The following MCF2L variants were observed in gnomAD, a reference collection of about 807,000 sequenced individuals.
MCF2L encodes MCF.2 cell line derived transforming sequence like, also known as guanine nucleotide exchange factor DBS.
In MCF2L, 97 loss-of-function variants were observed where a neutral mutation model predicts 153.4. The ratio of observed to expected loss-of-function variants is 0.63; its 90% CI spans 0.54 to 0.75. The LOEUF is 0.75. MCF2L is among the 30% of genes least tolerant of loss of function. The probability of loss-of-function intolerance (pLI) is 0.00; values close to 1 mark genes in which losing one functional copy is unlikely to be tolerated. For synonymous variants in MCF2L, 659 were observed against 632.2 expected (o/e 1.04, Z -0.64); for missense variants, 1,347 against 1,495.2 (o/e 0.90, Z 1.64).
intron 4 of MCF2L, among the ~76,000 whole-genome samples, chr13:113,051,906 G>A (rs2087359299): frequency 6.6e-6 from 1 of 152,152 alleles, no homozygotes; most frequent in Admixed American, 6.5e-5. Flanking sequence ...TCCGTGAATG[G>A]ATGAATCCAT....
At chr13:112,930,880 T>A (rs551341771) in intron 2 of MCF2L, among the ~76,000 whole-genome samples, 1 of 151,908 alleles carries the variant, frequency 6.6e-6, no homozygotes, top group East Asian at 1.9e-4. Flanking sequence ...GGGGTTGGAG[T>A]GAGCCAAGAT....
intron 1 of MCF2L, chr13:112,979,654 G>A (rs2082332412): frequency 6.2e-7 from 1 of 1,612,810 alleles, no homozygotes; most frequent in Non-Finnish European, 8.5e-7. Context: ...CAGCCTTTGT[G>A]ACAGGGCGGT....
At chr13:113,050,754 CG>C (rs2087239511) in intron 4 of MCF2L, among the ~76,000 whole-genome samples, 1 of 2,878 alleles carries the variant, frequency 3.5e-4, no homozygotes, top group Non-Finnish European at 8.5e-4. Context: ...CGGGGGGGTG[CG>C]GGGGGCGGTG....
At chr13:112,950,529 C>G (rs2081681379) in intron 2 of MCF2L, among the ~76,000 whole-genome samples, 1 of 152,162 alleles carries the variant, frequency 6.6e-6, no homozygotes, top group Non-Finnish European at 1.5e-5. Flanking sequence ...CCTGGGCAGA[C>G]TGACAGATAA....
At chr13:113,037,277 G>A (rs969425966) in intron 3 of MCF2L, among the ~76,000 whole-genome samples, 1 of 152,220 alleles carries the variant, frequency 6.6e-6, no homozygotes, top group African/African-American at 2.4e-5. Flanking sequence ...GGAGTAGAAG[G>A]TGGAGGGCAG....
At chr13:113,037,268 G>A (rs1168322055) in intron 3 of MCF2L, among the ~76,000 whole-genome samples, 1 of 152,150 alleles carries the variant, frequency 6.6e-6, no homozygotes, top group African/African-American at 2.4e-5. Flanking sequence ...GAGCCCCTAG[G>A]AGTAGAAGGT....
At chr13:112,984,496 C>T (rs2082556874) in intron 1 of MCF2L, among the ~76,000 whole-genome samples, 1 of 152,286 alleles carries the variant, frequency 6.6e-6, no homozygotes, top group African/African-American at 2.4e-5. Context: ...CCTCAGCCTC[C>T]CAAAGTGCTG....
intron 1 of MCF2L, among the ~76,000 whole-genome samples, chr13:112,896,353 ACCCTTG>A (rs1006323242): frequency 4.0e-5 from 6 of 151,746 alleles, no homozygotes; most frequent in Non-Finnish European, 8.8e-5. Context: ...GTGGAGATGC[ACCCTTG>A]CTCACATCGA....
chr13:113,057,293 G>GAGTGT (rs2030185065), intron 4 of MCF2L, among the ~76,000 whole-genome samples: 1 of 146,044 alleles, frequency 6.8e-6, no homozygotes, highest in African/African-American at 2.5e-5. Flanking sequence ...TTTGGGTGCT[G>GAGTGT]TGGGTGCTGA....
At position 113,060,536 on chromosome 13, in the gene MCF2L, G is replaced by A. The variant is rs1420555893; in HGVS notation, c.370-57G>A. On this transcript the variant is annotated intron_variant, in intron 4 of 29. Transcript: ENST00000535094. ...GCCCAGCGTGCAGGCACCGCACTAG[G>A]GGGGCTGCTGTCTGCAGAGCACGCT... The A allele has an allele frequency of 6.3e-6, 10 of 1,597,204 alleles. No individual in the cohort carries two copies. In the East Asian group the frequency reaches 1.8e-4, roughly 29 times the overall value.
rs116604534 is a variant in MCF2L, at chr13:113,082,844, C to T, written c.1991+302C>T. Among the ~76,000 whole-genome samples, 157 of 152,290 alleles carry T rather than the reference C, an allele frequency of 1.0e-3. 1 individual carries two copies. Among genetic ancestry groups the T allele is most frequent in the African/African-American group, 3.5e-3 (145 of 41,570 alleles). The stretch of plus-strand genomic sequence containing the variant: ...GTTTTGTGGTGCAGGAAATGGGACC[C>T]GCCTGCCCCTCATCCCCTCCTCATC... On this transcript the variant is annotated intron_variant, in intron 17 of 29. Coordinates refer to ENST00000535094, the MANE Select transcript of MCF2L (RefSeq NM_001112732.3).
At chr13:113,052,283 C>T (rs187941396) in intron 4 of MCF2L, among the ~76,000 whole-genome samples, 19 of 152,298 alleles carry the variant, frequency 1.2e-4, no homozygotes, top group African/African-American at 4.3e-4. Context: ...GGTTTTTTCT[C>T]GCAGAGAAGA....
chr13:113,077,714 C>T lies in MCF2L; in HGVS notation c.1660+503C>T, dbSNP rs570561295. Among the ~76,000 whole-genome samples, 3 of 152,346 alleles carry T rather than the reference C, an allele frequency of 2.0e-5. No homozygotes were observed. In the East Asian group the frequency reaches 5.8e-4, roughly 29 times the overall value. On this transcript the variant is annotated intron_variant, in intron 13 of 29. Coordinates refer to ENST00000535094, the MANE Select transcript of MCF2L (RefSeq NM_001112732.3). The stretch of plus-strand genomic sequence containing the variant: ...CCGGCGCGCATTGCTGGTCCCAAAC[C>T]CGCCCTCTATGCCGAGCCAGGCACG...
At chr13:112,973,624 G>A (rs1286218079) in intron 1 of MCF2L, among the ~76,000 whole-genome samples, 3 of 152,228 alleles carry the variant, frequency 2.0e-5, no homozygotes, top group Non-Finnish European at 2.9e-5. Flanking sequence ...TGAGTCTGAC[G>A]CCCTCCATGC....
chr13:113,097,150 T>G lies in MCF2L; in HGVS notation c.*291T>G. 1 of 311,994 alleles carries G rather than the reference T, an allele frequency of 3.2e-6. No individual in the cohort carries two copies. The allele number at this position is 311,994 out of a possible 1,614,324, so 19.3% of individuals were successfully genotyped here. A position where few individuals can be genotyped will look rare whatever the true frequency, so the allele number is the denominator to read the frequency against. ...CGTCCTGGCTCCACCGTGCTGCTTCTGCCTCTGGACGGTGCTTTCAGGGGA... is the reference window on the plus strand; with the variant it reads ...CGTCCTGGCTCCACCGTGCTGCTTCGGCCTCTGGACGGTGCTTTCAGGGGA... On this transcript the variant is annotated 3_prime_UTR_variant, in exon 30 of 30. Coordinates refer to ENST00000535094, the MANE Select transcript of MCF2L (RefSeq NM_001112732.3).
At position 113,086,957 on chromosome 13, in the gene MCF2L, G is replaced by A. The variant is rs147135120; in HGVS notation, c.2374-278G>A. The stretch of plus-strand genomic sequence containing the variant: ...CTGGGTGCTGTGCATTCTGCGGTTT[G>A]GACAGGCGTGTAACATCCTACACCC... On this transcript the variant is annotated intron_variant, in intron 21 of 29. Coordinates refer to ENST00000535094, the MANE Select transcript of MCF2L (RefSeq NM_001112732.3). Among the ~76,000 whole-genome samples, 7 of 152,278 alleles carry A rather than the reference G, an allele frequency of 4.6e-5. No individual in the cohort carries two copies. The East Asian group carries it at 1.4e-3, about 29-fold the overall frequency.
At chr13:112,996,769 C>G (rs1184544170) in intron 1 of MCF2L, among the ~76,000 whole-genome samples, 2 of 152,216 alleles carry the variant, frequency 1.3e-5, no homozygotes, top group East Asian at 3.8e-4. Flanking sequence ...CTGGTGCCGC[C>G]CCTCCTCTCT....
intron 2 of MCF2L, among the ~76,000 whole-genome samples, chr13:112,942,061 G>A (rs1353744324): frequency 6.6e-6 from 1 of 152,206 alleles, no homozygotes; most frequent in Non-Finnish European, 1.5e-5. Flanking sequence ...GGGAAAGGGA[G>A]TCTCCTTTTC....
At chr13:112,953,010 A>G (rs553154277) in intron 2 of MCF2L, among the ~76,000 whole-genome samples, 1 of 152,140 alleles carries the variant, frequency 6.6e-6, no homozygotes, top group Non-Finnish European at 1.5e-5. Context: ...GAAGGTCTAA[A>G]TGGGATGGGC....
Sources: gnomAD v4.1 joint callset for allele counts (sites outside exome capture counted in the v4.1 genomes callset) on GRCh38, gnomAD v4.1.1 for gene constraint, MANE v1.5 for transcripts, NCBI Gene and HGNC (gene_info 2026-07-23, HGNC 2026-07-21) for gene names.